NAMPT: variants seen among roughly 807,000 people sequenced by gnomAD.
NAMPT encodes NAmPRTase.
NAMPT carries 7 observed loss-of-function variants against 58.7 expected under a neutral mutation model. The ratio of observed to expected loss-of-function variants is 0.12; its 90% CI spans 0.07 to 0.22. The LOEUF is 0.22. Ranked by LOEUF, NAMPT falls within the 10% of genes least tolerant of loss-of-function variation. The pLI is 1.00. For missense variants in NAMPT, 271 were observed against 567.9 expected (o/e 0.48, Z 5.31); for synonymous variants, 145 against 198.1 (o/e 0.73, Z 2.25).
intron 1 of NAMPT, among the ~76,000 whole-genome samples, chr7:106,280,664 G>A (rs746222283): frequency 2.6e-5 from 4 of 152,118 alleles, no homozygotes; most frequent in Non-Finnish European, 5.9e-5. Context: ...AGAACTGGCC[G>A]GGCACGGTGG....
At chr7:106,270,389 C>A in intron 4 of NAMPT, 1 of 277,044 alleles carries the variant, frequency 3.6e-6, no homozygotes. Context: ...TGAATACCAG[C>A]TAAGTGATAT....
chr7:106,268,775 T>G (rs1466403309), intron 5 of NAMPT, among the ~76,000 whole-genome samples, 175 bp from the exon 6 acceptor site: 4 of 152,192 alleles, frequency 2.6e-5, no homozygotes, highest in Admixed American at 6.5e-5. Flanking sequence ...GATTCAGTTT[T>G]TCCTAAATAT....
chr7:106,267,626 G>A (rs1474340669), intron 6 of NAMPT, among the ~76,000 whole-genome samples: 1 of 151,576 alleles, frequency 6.6e-6, no homozygotes, highest in African/African-American at 2.4e-5. Flanking sequence ...CGGATCACGA[G>A]GTCAGGAGAT....
At chr7:106,258,780 T>C (rs946756747) in intron 8 of NAMPT, among the ~76,000 whole-genome samples, 2 of 152,236 alleles carry the variant, frequency 1.3e-5, no homozygotes, top group African/African-American at 4.8e-5. Context: ...GAGCCTTCAG[T>C]GAGTCATCTT....
intron 7 of NAMPT, among the ~76,000 whole-genome samples, chr7:106,262,135 C>A (rs776843895): frequency 2.2e-4 from 34 of 151,928 alleles, no homozygotes; most frequent in Non-Finnish European, 4.3e-4. Flanking sequence ...TATATAACTC[C>A]AATATGAATC....
intron 8 of NAMPT, among the ~76,000 whole-genome samples, chr7:106,258,565 A>G (rs1382606064): frequency 1.3e-5 from 2 of 152,232 alleles, no homozygotes; most frequent in African/African-American, 4.8e-5. Context: ...TTTTAAGACA[A>G]TACAGGCATA....
chr7:106,250,043 T>C lies in NAMPT; in HGVS notation c.*1040A>G, dbSNP rs1169703283. ...GTTTAAAATTAATAAATGATGTCCA[T>C]ACAATTTAATATCCAATTTAATTTT... On this transcript the variant is annotated 3_prime_UTR_variant, in exon 11 of 11. Transcript: ENST00000222553. 1 of 152,246 alleles carries C rather than the reference T, an allele frequency of 6.6e-6. No individual in the cohort carries two copies. The highest frequency in any genetic ancestry group is 1.5e-5 in the Non-Finnish European group (1 of 67,970). The allele number at this position is 152,246 out of a possible 1,614,324, so 9.4% of individuals were successfully genotyped here.
chr7:106,284,930 G>A lies in NAMPT; in HGVS notation c.-46C>T. 1.3e-6 allele frequency: 2 copies of A among 1,561,744 alleles called. No homozygotes were observed. Among genetic ancestry groups the A allele is most frequent in the South Asian group, 1.2e-5 (1 of 85,126 alleles). ...CCGCGCGCCGCGAGCTCCCTGGCGC[G>A]GCTGCGAGGAAGGAGAAAAATGAGC... On this transcript the variant is annotated 5_prime_UTR_variant, in exon 1 of 11. Transcript: ENST00000222553.
At chr7:106,255,101 G>A (rs559184855) in intron 8 of NAMPT, among the ~76,000 whole-genome samples, 23 of 152,256 alleles carry the variant, frequency 1.5e-4, no homozygotes, top group African/African-American at 5.5e-4. Context: ...CAGGTGCTGT[G>A]GGTGTTAAGA....
chr7:106,263,685 A>T (rs954396317), intron 6 of NAMPT, 68 bp from the exon 7 acceptor site: 4 of 1,131,236 alleles, frequency 3.5e-6, no homozygotes, highest in Admixed American at 1.8e-5. Flanking sequence ...ATCACCTTTA[A>T]TCATATCTCA....
intron 8 of NAMPT, among the ~76,000 whole-genome samples, chr7:106,254,775 G>C (rs547620993): frequency 1.3e-5 from 2 of 152,148 alleles, no homozygotes; most frequent in African/African-American, 4.8e-5. Flanking sequence ...GGAAATGAGA[G>C]AAAGTGAGAA....
At chr7:106,264,767 A>T (rs375598475) in intron 6 of NAMPT, among the ~76,000 whole-genome samples, 2 of 152,114 alleles carry the variant, frequency 1.3e-5, no homozygotes, top group Admixed American at 1.3e-4. Context: ...AGTAAATAAT[A>T]AAAAGATAGC....
chr7:106,267,867 A>AAAAAAAAAAAAAAAAAAAAAAC (rs1792453907), intron 6 of NAMPT, among the ~76,000 whole-genome samples: 1 of 140,002 alleles, frequency 7.1e-6, no homozygotes, highest in Non-Finnish European at 1.6e-5. Context: ...AAAAAAAAAA[A>AAAAAAAAAAAAAAAAAAAAAAC]AAAAAAAAAC....
intron 1 of NAMPT, among the ~76,000 whole-genome samples, chr7:106,283,650 T>C (rs542399446): frequency 3.3e-5 from 5 of 152,322 alleles, no homozygotes; most frequent in Admixed American, 3.3e-4. Flanking sequence ...TCATACTTGA[T>C]AGTGTTCGGA....
intron 1 of NAMPT, chr7:106,284,229 G>T (rs1792819314): frequency 6.6e-6 from 1 of 152,228 alleles, no homozygotes; most frequent in African/African-American, 2.4e-5. Flanking sequence ...GTGGGACAGG[G>T]GAATCCACTA....
chr7:106,263,138 T>C (rs189619996), intron 7 of NAMPT: 4 of 453,580 alleles, frequency 8.8e-6, no homozygotes, highest in African/African-American at 7.8e-5. Flanking sequence ...TTAATTAATT[T>C]TGCAGGTAAG....
intron 8 of NAMPT, among the ~76,000 whole-genome samples, chr7:106,260,159 G>A (rs559126760): frequency 6.6e-6 from 1 of 152,328 alleles, no homozygotes; most frequent in African/African-American, 2.4e-5. Flanking sequence ...GAAAGTCCTA[G>A]ACGGCACCTT....
At chr7:106,264,812 G>A (rs1378136559) in intron 6 of NAMPT, among the ~76,000 whole-genome samples, 1 of 151,564 alleles carries the variant, frequency 6.6e-6, no homozygotes, top group Non-Finnish European at 1.5e-5. Context: ...GTAGGTATAA[G>A]TTTAACTCAT....
intron 7 of NAMPT, chr7:106,263,088 T>C (rs1048612359): frequency 3.0e-6 from 1 of 338,720 alleles, no homozygotes; most frequent in Non-Finnish European, 5.4e-6. Flanking sequence ...CAAATAAGTT[T>C]GGTGCCCAAA....
Sources: gnomAD v4.1 joint callset for allele counts (sites outside exome capture counted in the v4.1 genomes callset) on GRCh38, gnomAD v4.1.1 for gene constraint, MANE v1.5 for transcripts, NCBI Gene and HGNC (gene_info 2026-07-23, HGNC 2026-07-21) for gene names.